The following ADGRF5 variants were observed in gnomAD, a reference collection of about 807,000 sequenced individuals.
The protein encoded by ADGRF5 is G-protein coupled receptor 116.
Under a neutral mutation model 132.3 loss-of-function variants are expected in ADGRF5, and 75 were observed. That is an observed-to-expected ratio of 0.57 (90% CI 0.47 to 0.69). The LOEUF is 0.69. Among genes scored for constraint, ADGRF5 ranks in the 30% least tolerant of loss-of-function variants. The probability of loss-of-function intolerance (pLI) is 0.00; values close to 1 mark genes in which losing one functional copy is unlikely to be tolerated. For missense variants in ADGRF5, 1,516 were observed against 1,630.6 expected, an observed-to-expected ratio of 0.93 and a Z score of 1.21; for synonymous variants, 629 against 597.6, an observed-to-expected ratio of 1.05 and a Z score of -0.77.
chr6:46,920,716 A>G (rs1419065697), intron 1 of ADGRF5, among the ~76,000 whole-genome samples: 4 of 152,048 alleles, frequency 2.6e-5, no homozygotes, highest in African/African-American at 9.7e-5. Context: ...TACAAAAATT[A>G]GCAGGGTGTG....
At position 46,858,474 on chromosome 6, in the gene ADGRF5, C is replaced by A. The variant is rs142588297; in HGVS notation, c.3429G>T (p.Ser1143=). The part of the protein sequence containing the change: ...CLGYGCPLAI[S]VITLGATQPR... ...GCTGGGTGGCTCCCAGCGTGATGAC[C>A]GAGATGGCAAGTGGGCAGCCATAGC... is the stretch of plus-strand genomic sequence containing the variant. The change falls in exon 17 of 21, where the codon TCG becomes TCT. Residue 1143 remains serine, a synonymous_variant. Transcript: ENST00000283296. The A allele has an allele frequency of 5.6e-6, 9 of 1,613,820 alleles. No individual in the cohort carries two copies. In the Admixed American group the frequency reaches 1.2e-4, roughly 21 times the overall value.
At chr6:46,864,978 G>C in intron 14 of ADGRF5, 64 bp downstream of exon 14, 1 of 1,075,442 alleles carries the variant, frequency 9.3e-7, no homozygotes, top group Non-Finnish European at 1.4e-6. Flanking sequence ...GAATGAGGGA[G>C]TGAATAAATA....
intron 1 of ADGRF5, among the ~76,000 whole-genome samples, chr6:46,950,746 T>A (rs536409290): frequency 5.8e-4 from 88 of 152,224 alleles, no homozygotes; most frequent in African/African-American, 2.0e-3. Flanking sequence ...ATCTCTTGAC[T>A]TCGTGATCCG....
chr6:46,913,514 A>G (rs2150911327), intron 1 of ADGRF5, among the ~76,000 whole-genome samples: 1 of 151,270 alleles, frequency 6.6e-6, no homozygotes, highest in African/African-American at 2.4e-5. Context: ...AAAAAAAAGA[A>G]GAAGAAGAAG....
intron 6 of ADGRF5, among the ~76,000 whole-genome samples, chr6:46,883,182 C>A (rs1581837552): frequency 6.6e-6 from 1 of 152,134 alleles, no homozygotes; most frequent in South Asian, 2.1e-4. Flanking sequence ...CTGTGCTCAG[C>A]CACGGGTTGG....
At position 46,872,085 on chromosome 6, in the gene ADGRF5, A is replaced by AT. The variant is rs60764141; in HGVS notation, c.1241-73dup. On this transcript the variant is annotated intron_variant, in intron 10 of 20. Coordinates refer to ENST00000283296, the MANE Select transcript of ADGRF5 (RefSeq NM_001098518.2). ...TATTTAGTAGCAAAGAGGTCAAATC[A>AT]TTTTTTTTTCATAAAAGGAGTTACT... 4,721 of 1,066,226 alleles carry AT rather than the reference A, an allele frequency of 4.4e-3. 53 individuals are homozygous for AT. The highest frequency in any genetic ancestry group is 0.044 in the African/African-American group (2,720 of 61,900). The allele number at this position is 1,066,226 out of a possible 1,614,324, so 66.0% of individuals were successfully genotyped here.
intron 1 of ADGRF5, chr6:46,908,799 T>C (rs1581961587): frequency 6.6e-6 from 1 of 151,792 alleles, no homozygotes; most frequent in South Asian, 2.1e-4. Flanking sequence ...GGGAGGCGGG[T>C]GTTCTCTGGA....
At chr6:46,867,601 C>A (rs949409410) in intron 12 of ADGRF5, among the ~76,000 whole-genome samples, 2 of 152,124 alleles carry the variant, frequency 1.3e-5, no homozygotes, top group African/African-American at 4.8e-5. Context: ...CTCATCATGG[C>A]CCCAGAGGAC....
chr6:46,943,514 T>G (rs1778177768), intron 1 of ADGRF5, among the ~76,000 whole-genome samples: 1 of 152,224 alleles, frequency 6.6e-6, no homozygotes, highest in Admixed American at 6.5e-5. Context: ...ATTGCTATTT[T>G]TAATTGCTAT....
chr6:46,878,768 A>G (rs561018765), intron 9 of ADGRF5, among the ~76,000 whole-genome samples: 13 of 152,332 alleles, frequency 8.5e-5, no homozygotes, highest in African/African-American at 2.9e-4. Flanking sequence ...ATCAAAATCA[A>G]CAACTATGTG....
chr6:46,880,372 A>C (rs1215485151), intron 8 of ADGRF5, among the ~76,000 whole-genome samples: 2 of 152,190 alleles, frequency 1.3e-5, no homozygotes, highest in Non-Finnish European at 2.9e-5. Flanking sequence ...AAAAAAACAA[A>C]CTTAAATACC....
At chr6:46,917,249 C>G (rs1776494635) in intron 1 of ADGRF5, among the ~76,000 whole-genome samples, 1 of 152,212 alleles carries the variant, frequency 6.6e-6, no homozygotes, top group Non-Finnish European at 1.5e-5. Context: ...TGAACTCTGA[C>G]CTTTATGGCA....
intron 1 of ADGRF5, among the ~76,000 whole-genome samples, chr6:46,941,872 C>T (rs760934033): frequency 1.3e-5 from 2 of 152,220 alleles, no homozygotes; most frequent in African/African-American, 4.8e-5. Flanking sequence ...AGCTTCGCCT[C>T]TTCCTACTCC....
intron 1 of ADGRF5, among the ~76,000 whole-genome samples, chr6:46,929,498 T>TAAAAAA (rs1554128364): frequency 6.7e-5 from 9 of 135,194 alleles, no homozygotes; most frequent in African/African-American, 8.3e-5. Context: ...ATAATAATAA[T>TAAAAAA]AAAATAAAAA....
intron 3 of ADGRF5, among the ~76,000 whole-genome samples, chr6:46,897,803 C>T (rs1199367601): frequency 6.6e-6 from 1 of 152,212 alleles, no homozygotes; most frequent in Non-Finnish European, 1.5e-5. Context: ...CTTGGCCTCC[C>T]AAAGTGCTGG....
At chr6:46,889,499 T>C (rs662679) in intron 3 of ADGRF5, among the ~76,000 whole-genome samples, 4 of 144,132 alleles carry the variant, frequency 2.8e-5, no homozygotes, top group African/African-American at 7.5e-5. Context: ...AGTTTATATA[T>C]AGAGAGAGAC....
chr6:46,884,268 C>T lies in ADGRF5; in HGVS notation c.332G>A (p.Cys111Tyr), dbSNP rs1353334769. 6.2e-7 allele frequency: 1 copy of T among 1,612,522 alleles called. No homozygotes were observed. Among genetic ancestry groups the T allele is most frequent in the Non-Finnish European group, 8.5e-7 (1 of 1,178,822 alleles). ...DILSINVTTV[C>Y]RPAGNEIWCS... is the part of the protein sequence containing the mutation. ...CCAGATTTCATTTCCAGCAGGTCTG[C>T]AGACTATCGTTAATCAGAACAGCAA... The change falls in exon 5 of 21, where the codon TGC (cysteine) becomes TAC (tyrosine). Residue 111 changes from cysteine (C) to tyrosine (Y), a missense_variant. Around this residue, in one of 2 missense-constraint regions of ADGRF5, gnomAD observed 945 missense variants for 929.4 expected, o/e 1.02. Transcript: ENST00000283296.
intron 10 of ADGRF5, among the ~76,000 whole-genome samples, chr6:46,873,700 G>A (rs1405005215): frequency 2.0e-5 from 3 of 152,056 alleles, no homozygotes; most frequent in Non-Finnish European, 4.4e-5. Flanking sequence ...CAACACTCTC[G>A]TTGGAAACTT....
chr6:46,872,161 G>A, intron 10 of ADGRF5, 148 bp from the exon 11 acceptor site: 1 of 541,940 alleles, frequency 1.8e-6, no homozygotes. Context: ...ATGGTGATTA[G>A]GTCTGCAGAC....
Sources: allele counts gnomAD v4.1 joint callset (sites outside exome capture counted in the v4.1 genomes callset), GRCh38; gene constraint gnomAD v4.1.1; regional missense constraint gnomAD v4.1.1; transcripts MANE v1.5; gene names NCBI Gene and HGNC (gene_info 2026-07-23, HGNC 2026-07-21).